Variants in CRYBG3 observed in about 807,000 individuals in gnomAD.
CRYBG3 encodes the protein very large A-kinase anchor protein.
A neutral mutation model predicts 244.2 loss-of-function variants in CRYBG3; 127 were observed. The ratio of observed to expected loss-of-function variants is 0.52; its 90% CI spans 0.45 to 0.60. CRYBG3 has a LOEUF of 0.60. Among genes scored for constraint, CRYBG3 ranks in the 20% least tolerant of loss-of-function variants. The probability of loss-of-function intolerance (pLI) is 0.00; values close to 1 mark genes in which losing one functional copy is unlikely to be tolerated. For synonymous variants in CRYBG3, 1,132 were observed against 1,195.8 expected (o/e 0.95, Z 1.10); for missense variants, 3,325 against 3,442.5 (o/e 0.97, Z 0.85).
Position 97,873,424 on chromosome 3 carries a change from G to T in CRYBG3, c.2230G>T (p.Val744Phe). The change falls in exon 4 of 22, where the codon GTT (valine) becomes TTT (phenylalanine). Residue 744 changes from valine (V) to phenylalanine (F), a missense_variant. This residue lies in a region of CRYBG3 where 1,526 missense variants were observed against 1,443.2 expected (regional missense o/e 1.06). Transcript: ENST00000389622. ...EVLSNSEKCQ[V>F]LPGSEASGPH... ...TCTTTCTAATAGTGAAAAATGCCAG[G>T]TTCTTCCAGGTTCTGAAGCCAGTGG... The T allele has an allele frequency of 2.0e-6, 3 of 1,534,994 alleles. No homozygotes were observed. The highest frequency in any genetic ancestry group is 2.6e-6 in the Non-Finnish European group (3 of 1,146,580).
intron 4 of CRYBG3, among the ~76,000 whole-genome samples, chr3:97,879,441 C>T (rs1270413922): frequency 6.6e-6 from 1 of 152,194 alleles, no homozygotes; most frequent in Non-Finnish European, 1.5e-5. Flanking sequence ...GTGAATGTAA[C>T]TTAGTCCCCT....
chr3:97,854,393 G>T (rs1383018703), intron 2 of CRYBG3, among the ~76,000 whole-genome samples: 2 of 151,922 alleles, frequency 1.3e-5, no homozygotes, highest in South Asian at 4.1e-4. Context: ...AAGAATGATG[G>T]TGGTATTTTG....
intron 11 of CRYBG3, among the ~76,000 whole-genome samples, chr3:97,895,735 A>G (rs1575946434): frequency 6.6e-6 from 1 of 152,208 alleles, no homozygotes; most frequent in African/African-American, 2.4e-5. Context: ...GCTTTGTTGC[A>G]GTTCTATAAT....
At position 97,877,206 on chromosome 3, in the gene CRYBG3, A is replaced by G; in HGVS notation, c.6012A>G (p.Glu2004=). Residue 2004 remains glutamate, a synonymous_variant, in exon 4 of 22, where the codon GAA becomes GAG. Transcript: ENST00000389622. ...QENSSFTILY[E]EPLQEEDKYA... ...ATTCTTCCTTTACTATATTATACGA[A>G]GAGCCCCTTCAAGAGGAGGACAAGT... 6.2e-7 allele frequency: 1 copy of G among 1,614,012 alleles called. No homozygotes were observed. Among genetic ancestry groups the G allele is most frequent in the Non-Finnish European group, 8.5e-7 (1 of 1,179,902 alleles).
chr3:97,828,899 A>C (rs1302949025), intron 1 of CRYBG3, among the ~76,000 whole-genome samples: 1 of 152,022 alleles, frequency 6.6e-6, no homozygotes, highest in Non-Finnish European at 1.5e-5. Context: ...CTAATTGTGT[A>C]TAGTATGCCC....
chr3:97,915,464 T>G, intron 16 of CRYBG3, 146 bp from the exon 17 acceptor site: 2 of 609,890 alleles, frequency 3.3e-6, no homozygotes, highest in Non-Finnish European at 2.7e-6. Flanking sequence ...GTAGCTGTTG[T>G]GTTTTTTGTT....
chr3:97,858,165 G>GT (rs71113873), intron 2 of CRYBG3, among the ~76,000 whole-genome samples: 54 of 139,806 alleles, frequency 3.9e-4, no homozygotes, highest in African/African-American at 9.5e-4. Flanking sequence ...TTTTAGTTGA[G>GT]TTTTTTTTTT....
intron 3 of CRYBG3, among the ~76,000 whole-genome samples, chr3:97,868,021 C>T (rs1164318661): frequency 3.9e-5 from 6 of 152,148 alleles, no homozygotes; most frequent in African/African-American, 4.8e-5. Context: ...CGGTGGCTCA[C>T]GCCTGTAATC....
Position 97,872,209 on chromosome 3 carries a change from G to C in CRYBG3, c.1015G>C (p.Gly339Arg), listed in dbSNP as rs2039313241. 3 of 1,535,596 alleles carry C rather than the reference G, an allele frequency of 2.0e-6. No individual in the cohort carries two copies. Among genetic ancestry groups the C allele is most frequent in the Non-Finnish European group, 2.6e-6 (3 of 1,146,632 alleles). Residue 339 changes from glycine to arginine, a missense_variant, in exon 4 of 22, where the codon GGG becomes CGG. Physicochemically the swap from Gly to Arg is moderately radical, Grantham distance 125. Coordinates refer to ENST00000389622, the MANE Select transcript of CRYBG3 (RefSeq NM_153605.4). ...TAATCTTTTAAATAAAAATGCTTGGGGGAGTATTGAGAGAAATAGGTCATC... is the reference window on the plus strand; with the variant it reads ...TAATCTTTTAAATAAAAATGCTTGGCGGAGTATTGAGAGAAATAGGTCATC... ...SNNLLNKNAW[G>R]SIERNRSSPS...
chr3:97,837,924 G>A (rs2038757134), intron 1 of CRYBG3, among the ~76,000 whole-genome samples: 1 of 152,110 alleles, frequency 6.6e-6, no homozygotes, highest in African/African-American at 2.4e-5. Context: ...GGAGGAGGAG[G>A]TGCCCAACAG....
rs758056258 is a variant in CRYBG3, at chr3:97,912,169, C to A, written c.8007C>A (p.Leu2669=). 6.4e-7 allele frequency: 1 copy of A among 1,573,986 alleles called. No individual in the cohort carries two copies. Reference sequence around the variant, plus strand: ...CTGTTGTGTTGTTGTTCTTGTAGCTCAAAGCATTCAGCAAACCAGGGTTCC... The same window carrying A: ...CTGTTGTGTTGTTGTTCTTGTAGCTAAAAGCATTCAGCAAACCAGGGTTCC... ...PLGINEPPHL[L]KAFSKPGFQG... Residue 2669 remains leucine, a splice_region_variant and synonymous_variant, in exon 16 of 22, where the codon CTC becomes CTA. Transcript: ENST00000389622.
At chr3:97,900,764 C>A (rs183312364) in intron 15 of CRYBG3, among the ~76,000 whole-genome samples, 2 of 152,188 alleles carry the variant, frequency 1.3e-5, no homozygotes, top group Non-Finnish European at 2.9e-5. Context: ...TCTTTCCCAT[C>A]GTCCATTATT....
intron 2 of CRYBG3, among the ~76,000 whole-genome samples, chr3:97,862,285 T>A (rs911554189): frequency 6.6e-6 from 1 of 152,134 alleles, no homozygotes; most frequent in East Asian, 1.9e-4. Flanking sequence ...ATGTTAAAAG[T>A]GGTAATCTTG....
Position 97,872,852 on chromosome 3 carries a change from A to G in CRYBG3, c.1658A>G (p.Glu553Gly), listed in dbSNP as rs2108214098. ...SHVKAPEDKI[E>G]SLPKDTDQYF... ...GTAAAAGCTCCAGAAGATAAAATTGAGTCATTACCCAAAGATACTGACCAA... is the reference window on the plus strand; with the variant it reads ...GTAAAAGCTCCAGAAGATAAAATTGGGTCATTACCCAAAGATACTGACCAA... The change falls in exon 4 of 22, where the codon GAG (glutamate) becomes GGG (glycine). Residue 553 changes from glutamate to glycine, a missense_variant. Transcript: ENST00000389622. The G allele has an allele frequency of 2.0e-6, 3 of 1,535,944 alleles. No homozygotes were observed. The East Asian group carries it at 7.3e-5, about 38-fold the overall frequency.
intron 2 of CRYBG3, among the ~76,000 whole-genome samples, chr3:97,862,736 T>C (rs2039168802): frequency 6.7e-6 from 1 of 150,178 alleles, no homozygotes; most frequent in Non-Finnish European, 1.5e-5. Context: ...AATCAAATTG[T>C]AGTTGAAACT....
chr3:97,882,487 C>G (rs961403797), intron 7 of CRYBG3, among the ~76,000 whole-genome samples: 1 of 151,804 alleles, frequency 6.6e-6, no homozygotes, highest in African/African-American at 2.4e-5. Flanking sequence ...GAAGGGTCTT[C>G]CAATATAATA....
At position 97,881,193 on chromosome 3, in the gene CRYBG3, T is replaced by C. The variant is rs946271365; in HGVS notation, c.7126T>C (p.Leu2376=). The C allele has an allele frequency of 5.0e-6, 8 of 1,607,838 alleles. No homozygotes were observed. The highest frequency in any genetic ancestry group is 6.8e-6 in the Non-Finnish European group (8 of 1,177,532). ...AAGGCATCCACAAAGAAACTTTATA[T>C]TGGGTTCTCTCAAACGTGTCTTAAA... ...NRRHPQRNFI[L]GSLKRVLKDC... Residue 2376 remains leucine, a synonymous_variant, in exon 7 of 22, where the codon TTG becomes CTG. Transcript: ENST00000389622.
chr3:97,848,308 GT>G (rs1169640986), intron 2 of CRYBG3, among the ~76,000 whole-genome samples: 2 of 151,894 alleles, frequency 1.3e-5, no homozygotes, highest in East Asian at 3.9e-4. Flanking sequence ...GTTTGTTGTT[GT>G]TTTTTTGAGA....
At chr3:97,916,903 G>A (rs1217157886) in intron 17 of CRYBG3, among the ~76,000 whole-genome samples, 2 of 152,058 alleles carry the variant, frequency 1.3e-5, no homozygotes, top group Non-Finnish European at 2.9e-5. Context: ...AAAATAATGT[G>A]ATCTGGCAAG....
Sources: gnomAD v4.1 joint callset for allele counts (sites outside exome capture counted in the v4.1 genomes callset) on GRCh38, gnomAD v4.1.1 for gene constraint, gnomAD v4.1.1 regional missense constraint, MANE v1.5 for transcripts, NCBI Gene and HGNC (gene_info 2026-07-23, HGNC 2026-07-21) for gene names.